ARMC2: variants seen among roughly 807,000 people sequenced by gnomAD.
The protein encoded by ARMC2 is armadillo repeat containing 2.
A neutral mutation model predicts 90.3 loss-of-function variants in ARMC2; 67 were observed. The ratio of observed to expected loss-of-function variants is 0.74; its 90% CI spans 0.61 to 0.91. The LOEUF (loss-of-function observed/expected upper bound fraction) is 0.91, where lower values mean the gene tolerates loss of function less well. Among genes scored for constraint, ARMC2 ranks in the 40% least tolerant of loss-of-function variants. The pLI is 0.00. For synonymous variants in ARMC2, 393 were observed against 393.0 expected (o/e 1.00, Z 0.00); for missense variants, 920 against 1,030.9 (o/e 0.89, Z 1.47).
rs544642986 is a variant in ARMC2, at chr6:108,892,468, A to AAG, written c.672-1999_672-1998insAG. ...GAAGTGTTAAGTGTTTAAAAAAAAA[A>AAG]TGGGGTGGCTGGTGGGCGCCATGGC... On this transcript the variant is annotated intron_variant, in intron 5 of 17. Coordinates refer to ENST00000392644, the MANE Select transcript of ARMC2 (RefSeq NM_032131.6). 4.2e-3 allele frequency among the ~76,000 whole-genome samples: 638 copies of AAG among 152,146 alleles called. 4 individuals carry two copies. The highest frequency in any genetic ancestry group is 0.014 in the African/African-American group (598 of 41,512).
the ARMC2 span, among the ~76,000 whole-genome samples, chr6:109,041,148 A>C: frequency 6.6e-6 from 1 of 150,916 alleles, no homozygotes; most frequent in Non-Finnish European, 1.5e-5. Flanking sequence ...TAAAAAAAAA[A>C]AAAACAAACC....
chr6:108,919,713 C>T (rs925578119), intron 10 of ARMC2, among the ~76,000 whole-genome samples: 1 of 152,066 alleles, frequency 6.6e-6, no homozygotes, highest in East Asian at 1.9e-4. Context: ...TAGCCCCTAC[C>T]CTTATCAAGA....
intron 13 of ARMC2, among the ~76,000 whole-genome samples, chr6:108,955,919 C>T (rs758167010): frequency 6.6e-6 from 1 of 152,174 alleles, no homozygotes; most frequent in South Asian, 2.1e-4. Context: ...CTTTAAAATA[C>T]CCTTTTTGGT....
intron 2 of ARMC2, among the ~76,000 whole-genome samples, chr6:108,857,603 T>G (rs1205196084): frequency 6.7e-6 from 1 of 148,706 alleles, no homozygotes; most frequent in Non-Finnish European, 1.5e-5. Context: ...GTGGGAAAAC[T>G]CTTATCATAA....
At chr6:109,040,889 T>TG in the ARMC2 span, among the ~76,000 whole-genome samples, 12 of 151,980 alleles carry the variant, frequency 7.9e-5, no homozygotes, top group Non-Finnish European at 1.3e-4. Flanking sequence ...CCTGACCTCG[T>TG]GATCTGCCCG....
the ARMC2 span, chr6:108,994,438 T>C: frequency 3.9e-6 from 6 of 1,554,320 alleles, no homozygotes; most frequent in African/African-American, 6.9e-5. Context: ...ATAATTATAT[T>C]GACTATATAA....
At chr6:108,967,284 C>T (rs771173160) in intron 17 of ARMC2, among the ~76,000 whole-genome samples, 2 of 152,190 alleles carry the variant, frequency 1.3e-5, no homozygotes, top group Non-Finnish European at 2.9e-5. Context: ...CAGGGCTTTC[C>T]CGCATAGGCA....
chr6:109,012,426 TGCCTCTACATC>T, the ARMC2 span, among the ~76,000 whole-genome samples: 2 of 152,192 alleles, frequency 1.3e-5, no homozygotes, highest in African/African-American at 2.4e-5. Flanking sequence ...TGAGGTTCAT[TGCCTCTACATC>T]TGTCCTTAGC....
At chr6:108,967,624 C>T (rs1194511452) in intron 17 of ARMC2, among the ~76,000 whole-genome samples, 1 of 152,234 alleles carries the variant, frequency 6.6e-6, no homozygotes, top group Non-Finnish European at 1.5e-5. Flanking sequence ...CATCTTCCTG[C>T]ACACGTTAAA....
At chr6:109,012,822 G>T in the ARMC2 span, among the ~76,000 whole-genome samples, 1 of 152,140 alleles carries the variant, frequency 6.6e-6, no homozygotes, top group Non-Finnish European at 1.5e-5. Context: ...TTAGGTAAAA[G>T]ATAAGCAGTA....
the ARMC2 span, among the ~76,000 whole-genome samples, chr6:108,995,610 T>A: frequency 6.6e-6 from 1 of 152,176 alleles, no homozygotes; most frequent in East Asian, 1.9e-4. Flanking sequence ...ACCTTTCTTA[T>A]AAAATGAATA....
At chr6:109,007,481 T>C in the ARMC2 span, among the ~76,000 whole-genome samples, 1 of 152,220 alleles carries the variant, frequency 6.6e-6, no homozygotes, top group Non-Finnish European at 1.5e-5. Flanking sequence ...ATTACTGTTG[T>C]GATTATCACA....
chr6:109,004,673 G>A, the ARMC2 span, among the ~76,000 whole-genome samples: 121 of 152,086 alleles, frequency 8.0e-4, no homozygotes, highest in Non-Finnish European at 1.5e-3. Flanking sequence ...CTCGTGATGC[G>A]CCCACCTCGG....
chr6:108,888,407 G>C (rs1770588451), intron 5 of ARMC2, among the ~76,000 whole-genome samples: 1 of 152,200 alleles, frequency 6.6e-6, no homozygotes, highest in South Asian at 2.1e-4. Context: ...AGGTCACACG[G>C]CTGTAAGTGG....
rs1776092889 is a variant in ARMC2 at position 108,868,814 on chromosome 6, C to A, written c.292-10C>A. 1 of 1,610,594 alleles carries A rather than the reference C, an allele frequency of 6.2e-7. No homozygotes were observed. Among genetic ancestry groups the A allele is most frequent in the Non-Finnish European group, 8.5e-7 (1 of 1,178,720 alleles). Reference sequence around the variant, plus strand: ...AGTCATTCCAGTTATTTAAAAAAATCTCTTTCCAGAAACCGAAAGTTCCAG... The same window carrying A: ...AGTCATTCCAGTTATTTAAAAAAATATCTTTCCAGAAACCGAAAGTTCCAG... On this transcript the variant is annotated splice_polypyrimidine_tract_variant and intron_variant, in intron 3 of 17. Transcript: ENST00000392644.
intron 12 of ARMC2, among the ~76,000 whole-genome samples, chr6:108,942,936 T>C (rs1776556607): frequency 6.6e-6 from 1 of 152,204 alleles, no homozygotes; most frequent in Non-Finnish European, 1.5e-5. Flanking sequence ...AAACCCTTTA[T>C]AGTGATAAAT....
At chr6:109,006,209 AAG>A in the ARMC2 span, among the ~76,000 whole-genome samples, 1 of 152,232 alleles carries the variant, frequency 6.6e-6, no homozygotes, top group Non-Finnish European at 1.5e-5. Context: ...TGAAAAAGTC[AAG>A]AGTCTTAGAT....
chr6:109,045,591 C>T, the ARMC2 span, among the ~76,000 whole-genome samples: 1 of 152,166 alleles, frequency 6.6e-6, no homozygotes, highest in African/African-American at 2.4e-5. Flanking sequence ...ACCAGAGCAC[C>T]TTATCTCTCA....
intron 5 of ARMC2, among the ~76,000 whole-genome samples, chr6:108,877,079 G>A (rs1025867637): frequency 6.6e-6 from 1 of 152,228 alleles, no homozygotes; most frequent in African/African-American, 2.4e-5. Context: ...TCCAGTCCCA[G>A]CCAGTAATGA....
Sources: allele counts gnomAD v4.1 joint callset (sites outside exome capture counted in the v4.1 genomes callset), GRCh38; gene constraint gnomAD v4.1.1; transcripts MANE v1.5; gene names NCBI Gene and HGNC (gene_info 2026-07-23, HGNC 2026-07-21).